Variants in CELF2 observed in about 807,000 individuals in gnomAD.
CELF2 encodes CUGBP Elav-like family member 2.
Under a neutral mutation model 62.6 loss-of-function variants are expected in CELF2, and 8 were observed. The observed-to-expected ratio is 0.13, with a 90% CI of 0.07 to 0.23. CELF2 has a LOEUF of 0.23. Among genes scored for constraint, CELF2 ranks in the 10% least tolerant of loss-of-function variants. CELF2 has a pLI of 1.00. For synonymous variants in CELF2, 258 were observed against 250.0 expected (o/e 1.03, Z -0.30); for missense variants, 333 against 671.0 (o/e 0.50, Z 5.56).
the CELF2 span, among the ~76,000 whole-genome samples, chr10:10,582,988 G>T: frequency 1.3e-5 from 2 of 152,198 alleles, no homozygotes; most frequent in African/African-American, 4.8e-5. Context: ...AGTTGGACAA[G>T]CTGGAATCTG....
intron 1 of CELF2, among the ~76,000 whole-genome samples, chr10:11,150,677 A>T (rs1275180481): frequency 6.6e-6 from 1 of 152,224 alleles, no homozygotes; most frequent in African/African-American, 2.4e-5. Context: ...CTGGGCAGCC[A>T]TTTGTTTTCA....
chr10:10,691,592 A>T, the CELF2 span, among the ~76,000 whole-genome samples: 1 of 152,036 alleles, frequency 6.6e-6, no homozygotes, highest in African/African-American at 2.4e-5. Flanking sequence ...ACTGACTTCC[A>T]CAATGGTTGA....
At chr10:10,622,332 G>A in the CELF2 span, among the ~76,000 whole-genome samples, 1 of 152,184 alleles carries the variant, frequency 6.6e-6, no homozygotes, top group Non-Finnish European at 1.5e-5. Flanking sequence ...GGTTAGGCCA[G>A]GTATGGTGGC....
chr10:10,554,724 G>A, the CELF2 span, among the ~76,000 whole-genome samples: 7 of 152,058 alleles, frequency 4.6e-5, 1 homozygote, highest in Admixed American at 3.9e-4. Flanking sequence ...CATCGTCTAT[G>A]TAAATATTTC....
chr10:10,909,455 C>A lies in CELF2; in HGVS notation c.54-10509C>A, dbSNP rs538055501. Among the ~76,000 whole-genome samples the A allele has an allele frequency of 1.8e-4, 27 of 152,300 alleles. 1 individual carries two copies. In the South Asian group the frequency reaches 5.6e-3, roughly 32 times the overall value. ...CCACTTCATTCTGGATGGAGTCTTT[C>A]TGTGGCCGTCACAAAACTGCTTGTT... On this transcript the variant is annotated intron_variant, in intron 1 of 13. Coordinates refer to the CELF2 transcript ENST00000636488.
the CELF2 span, among the ~76,000 whole-genome samples, chr10:10,513,966 A>T: frequency 6.6e-6 from 1 of 152,162 alleles, no homozygotes; most frequent in African/African-American, 2.4e-5. Flanking sequence ...CAAAGCCTAG[A>T]TCCCTCTCTG....
At chr10:10,464,212 T>C in the CELF2 span, among the ~76,000 whole-genome samples, 1 of 152,158 alleles carries the variant, frequency 6.6e-6, no homozygotes, top group Non-Finnish European at 1.5e-5. Context: ...AATTTCTGCC[T>C]CTTTACAACA....
intron 1 of CELF2, among the ~76,000 whole-genome samples, chr10:10,834,224 C>T (rs1225615751): frequency 6.6e-6 from 1 of 152,186 alleles, no homozygotes; most frequent in Admixed American, 6.5e-5. Context: ...AAACCAAATA[C>T]TGCGTGTTCT....
At chr10:11,284,963 GGATGGATGAGTGTGTGGATGAGA>G (rs1048283404) in intron 8 of CELF2, among the ~76,000 whole-genome samples, 17 of 119,280 alleles carry the variant, frequency 1.4e-4, no homozygotes, top group African/African-American at 5.2e-4. Flanking sequence ...CCACAATGAG[GGATGGATGAGTGTGTGGATGAGA>G]GATGGATGTG....
At chr10:11,113,568 G>A (rs1407219862) in intron 1 of CELF2, among the ~76,000 whole-genome samples, 1 of 152,210 alleles carries the variant, frequency 6.6e-6, no homozygotes, top group African/African-American at 2.4e-5. Flanking sequence ...GGTCTTCTAT[G>A]TTTGCCCCTT....
chr10:10,508,706 ATATT>A, the CELF2 span, among the ~76,000 whole-genome samples: 6,157 of 45,264 alleles, frequency 0.14, 376 homozygotes, highest in African/African-American at 0.25. Flanking sequence ...GTGTGTGTGT[ATATT>A]TTTTTTTTTG....
At chr10:11,272,639 G>C (rs1217460698) in intron 7 of CELF2, among the ~76,000 whole-genome samples, 1 of 152,218 alleles carries the variant, frequency 6.6e-6, no homozygotes. Context: ...CTGATTTATA[G>C]AAACATGTTT....
At chr10:11,198,731 C>G (rs530350974) in intron 2 of CELF2, among the ~76,000 whole-genome samples, 1 of 152,174 alleles carries the variant, frequency 6.6e-6, no homozygotes, top group Non-Finnish European at 1.5e-5. Flanking sequence ...TTCAGACTTG[C>G]ATTCTGTACA....
intron 7 of CELF2, among the ~76,000 whole-genome samples, chr10:11,271,591 A>G (rs1165611483): frequency 2.6e-5 from 4 of 152,182 alleles, no homozygotes; most frequent in African/African-American, 9.7e-5. Context: ...TACTCGAATT[A>G]CTGCTAAATT....
chr10:10,497,216 A>G, the CELF2 span, among the ~76,000 whole-genome samples: 2 of 151,158 alleles, frequency 1.3e-5, no homozygotes, highest in Non-Finnish European at 3.0e-5. Flanking sequence ...GATAAAAAGA[A>G]AAAAAAAATG....
the CELF2 span, among the ~76,000 whole-genome samples, chr10:10,735,771 A>G: frequency 1.2e-3 from 180 of 152,302 alleles, no homozygotes; most frequent in African/African-American, 4.0e-3. Context: ...TTCCTAGGAT[A>G]TTTAATGTAT....
At chr10:11,086,604 A>AAAAAAC (rs2046862531) in intron 1 of CELF2, among the ~76,000 whole-genome samples, 8 of 115,956 alleles carry the variant, frequency 6.9e-5, no homozygotes, top group African/African-American at 2.4e-4. Flanking sequence ...AAAAAAAAAA[A>AAAAAAC]AAAAAACTCC....
At position 11,282,959 on chromosome 10, in the gene CELF2, G is replaced by A. The variant is rs547354459; in HGVS notation, c.842-5459G>A. ...AACTTCTTTTCTCTTTAAGACATGG[G>A]GTCTCACTCTGTTGCCCAGGCTGGA... is the stretch of plus-strand genomic sequence containing the variant. On this transcript the variant is annotated intron_variant, in intron 8 of 12. Transcript: ENST00000633077. Among the ~76,000 whole-genome samples, 4 of 152,310 alleles carry A rather than the reference G, an allele frequency of 2.6e-5. No homozygotes were observed. The South Asian group carries it at 8.3e-4, about 32-fold the overall frequency.
intron 1 of CELF2, among the ~76,000 whole-genome samples, chr10:10,888,199 A>T (rs2133842916): frequency 6.6e-6 from 1 of 152,356 alleles, no homozygotes; most frequent in South Asian, 2.1e-4. Context: ...AGGACAAGAG[A>T]TGTAAATGGT....
Sources: gnomAD v4.1 joint callset for allele counts (sites outside exome capture counted in the v4.1 genomes callset) on GRCh38, gnomAD v4.1.1 for gene constraint, MANE v1.5 for transcripts, NCBI Gene and HGNC (gene_info 2026-07-23, HGNC 2026-07-21) for gene names.